Variants in SNX7 observed in about 807,000 individuals in gnomAD.
SNX7 encodes the protein sorting nexin 7.
In SNX7, 35 loss-of-function variants were observed where a neutral mutation model predicts 48.4. That is an observed-to-expected ratio of 0.72 (90% CI 0.55 to 0.96). The LOEUF is 0.96. Ranked by LOEUF, SNX7 falls within the 40% of genes least tolerant of loss-of-function variation. The probability of loss-of-function intolerance (pLI) is 0.00; values close to 1 mark genes in which losing one functional copy is unlikely to be tolerated. For synonymous variants in SNX7, 190 were observed against 190.2 expected, an observed-to-expected ratio of 1.00 and a Z score of 0.01; for missense variants, 553 against 548.9, an observed-to-expected ratio of 1.01 and a Z score of -0.07.
intron 8 of SNX7, among the ~76,000 whole-genome samples, chr1:98,743,613 T>C (rs1289609609): frequency 6.6e-6 from 1 of 152,006 alleles, no homozygotes; most frequent in East Asian, 1.9e-4. Flanking sequence ...CATTTAAAAA[T>C]TACAGAAATT....
intron 8 of SNX7, among the ~76,000 whole-genome samples, chr1:98,738,646 C>T (rs1201227353): frequency 2.0e-5 from 3 of 152,174 alleles, no homozygotes; most frequent in Non-Finnish European, 4.4e-5. Context: ...CCTCTCCCTT[C>T]TCCATTTATG....
intron 8 of SNX7, among the ~76,000 whole-genome samples, chr1:98,748,567 T>G (rs1245503447): frequency 6.6e-6 from 1 of 151,696 alleles, no homozygotes; most frequent in Non-Finnish European, 1.5e-5. Context: ...TTATTGTGCT[T>G]TGTAAATGAC....
intron 8 of SNX7, among the ~76,000 whole-genome samples, chr1:98,753,340 T>C (rs1269466175): frequency 6.6e-6 from 1 of 152,110 alleles, no homozygotes; most frequent in East Asian, 1.9e-4. Flanking sequence ...CTGTCCCTTT[T>C]AGTACTTAAT....
intron 4 of SNX7, among the ~76,000 whole-genome samples, chr1:98,692,116 C>G (rs1248690873): frequency 6.6e-6 from 1 of 152,044 alleles, no homozygotes; most frequent in Non-Finnish European, 1.5e-5. Context: ...CCATGTGTAA[C>G]TTTTAATTTC....
chr1:98,692,531 G>C (rs1308107035), intron 4 of SNX7, among the ~76,000 whole-genome samples: 1 of 152,002 alleles, frequency 6.6e-6, no homozygotes, highest in Non-Finnish European at 1.5e-5. Context: ...CAGGTTTATA[G>C]TATTGCACTA....
At chr1:98,746,462 G>GA (rs1398552819) in intron 8 of SNX7, among the ~76,000 whole-genome samples, 2 of 152,040 alleles carry the variant, frequency 1.3e-5, no homozygotes, top group Admixed American at 1.3e-4. Flanking sequence ...TCTTAGGAAA[G>GA]AAACCTAGTC....
Position 98,684,946 on chromosome 1 carries a change from T to C in SNX7, c.242T>C (p.Met81Thr). ...SPMMPTSPLSMINQIKFEDEP... is the reference protein window; with the variant it reads ...SPMMPTSPLSTINQIKFEDEP... ...ATGATGCCAACATCCCCTTTATCAA[T>C]GATAAACCAAATCAAGTTTGAGGAT... Residue 81 changes from methionine to threonine, a missense_variant, in exon 2 of 9, where the codon ATG becomes ACG. Physicochemically the swap from Met to Thr is moderately conservative, Grantham distance 81. Coordinates refer to ENST00000306121, the MANE Select transcript of SNX7 (RefSeq NM_015976.5). 6.3e-7 allele frequency: 1 copy of C among 1,599,664 alleles called. No individual in the cohort carries two copies. Among genetic ancestry groups the C allele is most frequent in the Non-Finnish European group, 8.5e-7 (1 of 1,172,046 alleles).
rs1258619763 is a variant in SNX7 at position 98,738,277 on chromosome 1, G to T, written c.1166G>T (p.Cys389Phe). The T allele has an allele frequency of 6.2e-7, 1 of 1,613,468 alleles. No individual in the cohort carries two copies. Among genetic ancestry groups the T allele is most frequent in the Non-Finnish European group, 8.5e-7 (1 of 1,179,712 alleles). ...EIGKLEDKVE[C>F]ANNALKADWE... Reference sequence around the variant, plus strand: ...GGAAAACTTGAAGATAAAGTGGAATGTGCTAATAATGCCCTGAAAGCAGAT... The same window carrying T: ...GGAAAACTTGAAGATAAAGTGGAATTTGCTAATAATGCCCTGAAAGCAGAT... The change falls in exon 8 of 9, where the codon TGT (cysteine) becomes TTT (phenylalanine). Residue 389 changes from cysteine (C) to phenylalanine (F), a missense_variant. Transcript: ENST00000306121.
intron 1 of SNX7, among the ~76,000 whole-genome samples, chr1:98,673,422 C>T (rs1649985975): frequency 1.3e-5 from 2 of 152,320 alleles, no homozygotes; most frequent in South Asian, 4.1e-4. Flanking sequence ...CCCTGCAGCC[C>T]CTTTATTCAG....
intron 1 of SNX7, among the ~76,000 whole-genome samples, chr1:98,681,258 A>G (rs965508531): frequency 1.3e-5 from 2 of 152,136 alleles, no homozygotes; most frequent in Non-Finnish European, 2.9e-5. Flanking sequence ...CCATGATTCA[A>G]TTATCTCCCA....
intron 7 of SNX7, among the ~76,000 whole-genome samples, chr1:98,728,801 C>G (rs12751199): frequency 0.21 from 32,197 of 152,084 alleles, 3,692 homozygotes; most frequent in East Asian, 0.31. Context: ...AAAACAAGAT[C>G]TTAGAGACCT....
At chr1:98,667,147 C>T (rs1303904285) in intron 1 of SNX7, among the ~76,000 whole-genome samples, 2 of 152,110 alleles carry the variant, frequency 1.3e-5, no homozygotes, top group Non-Finnish European at 2.9e-5. Context: ...TCGTTTTATA[C>T]GACTATGTTT....
chr1:98,756,335 T>C (rs1276199812), intron 8 of SNX7, among the ~76,000 whole-genome samples: 5 of 151,594 alleles, frequency 3.3e-5, no homozygotes, highest in Non-Finnish European at 1.5e-5. Flanking sequence ...ATAGGAAAAG[T>C]ATGTATCATA....
intron 1 of SNX7, among the ~76,000 whole-genome samples, chr1:98,675,910 T>C (rs569774971): frequency 3.3e-5 from 5 of 152,320 alleles, no homozygotes; most frequent in Non-Finnish European, 4.4e-5. Flanking sequence ...GTTTTATCAC[T>C]ACGGTTCTTA....
chr1:98,747,123 A>G (rs1654344636), intron 8 of SNX7, among the ~76,000 whole-genome samples: 1 of 152,118 alleles, frequency 6.6e-6, no homozygotes, highest in Non-Finnish European at 1.5e-5. Flanking sequence ...GTAGTTAAGC[A>G]GGTTTATTTA....
intron 4 of SNX7, among the ~76,000 whole-genome samples, chr1:98,694,806 C>A (rs1651360712): frequency 6.6e-6 from 1 of 151,468 alleles, no homozygotes; most frequent in Non-Finnish European, 1.5e-5. Flanking sequence ...GAGGGAGTTT[C>A]ACCGTGTTAG....
intron 6 of SNX7, 120 bp from the exon 7 acceptor site, chr1:98,701,697 C>G (rs919900128): frequency 1.3e-5 from 8 of 601,390 alleles, no homozygotes; most frequent in Non-Finnish European, 2.2e-5. Context: ...TATTATATCC[C>G]CAAATGACTG....
chr1:98,755,617 A>G (rs1443984941), intron 8 of SNX7, among the ~76,000 whole-genome samples: 1 of 151,926 alleles, frequency 6.6e-6, no homozygotes, highest in Non-Finnish European at 1.5e-5. Flanking sequence ...TTACAATAAA[A>G]CATATATATG....
intron 4 of SNX7, among the ~76,000 whole-genome samples, chr1:98,694,564 C>T (rs9727494): frequency 0.88 from 127,955 of 145,072 alleles, 57,542 homozygotes; most frequent in Non-Finnish European, 0.96. Context: ...TCCAGGATTC[C>T]AGTTCTTGCT....
Sources: allele counts gnomAD v4.1 joint callset (sites outside exome capture counted in the v4.1 genomes callset), GRCh38; gene constraint gnomAD v4.1.1; transcripts MANE v1.5; gene names NCBI Gene and HGNC (gene_info 2026-07-23, HGNC 2026-07-21).